Variants in SLC4A10 observed in about 807,000 individuals in gnomAD.
The protein encoded by SLC4A10 is solute carrier family 4 member 10, also known as sodium-driven chloride bicarbonate exchanger.
Under a neutral mutation model 137.7 loss-of-function variants are expected in SLC4A10, and 42 were observed. The observed-to-expected ratio is 0.30, with a 90% CI of 0.24 to 0.39. The LOEUF (loss-of-function observed/expected upper bound fraction) is 0.39. Ranked by LOEUF, SLC4A10 falls within the 10% of genes least tolerant of loss-of-function variation. The pLI is 1.00. For missense variants in SLC4A10, 925 were observed against 1,355.0 expected (o/e 0.68, Z 4.98); for synonymous variants, 474 against 464.1 (o/e 1.02, Z -0.27).
intron 1 of SLC4A10, among the ~76,000 whole-genome samples, chr2:161,721,441 T>C (rs1052891933): frequency 1.3e-5 from 2 of 152,222 alleles, no homozygotes; most frequent in Non-Finnish European, 1.5e-5. Context: ...CCTTCACTTA[T>C]GAAGCGTGGT....
intron 2 of SLC4A10, among the ~76,000 whole-genome samples, chr2:161,773,097 A>G (rs1559217208): frequency 6.6e-6 from 1 of 151,886 alleles, no homozygotes; most frequent in Non-Finnish European, 1.5e-5. Flanking sequence ...TTTATAAAGA[A>G]AAGAAATTGA....
At chr2:161,819,630 G>T (rs1411841958) in intron 3 of SLC4A10, among the ~76,000 whole-genome samples, 1 of 151,962 alleles carries the variant, frequency 6.6e-6, no homozygotes, top group Non-Finnish European at 1.5e-5. Context: ...GAGTAGCTGG[G>T]ATTACAGGCA....
intron 15 of SLC4A10, among the ~76,000 whole-genome samples, chr2:161,914,873 G>A (rs1451152542): frequency 6.6e-6 from 1 of 152,112 alleles, no homozygotes; most frequent in Non-Finnish European, 1.5e-5. Flanking sequence ...AGTAACAGGA[G>A]TCAGAGAAAT....
chr2:161,824,396 C>G (rs748180183), intron 3 of SLC4A10, among the ~76,000 whole-genome samples: 3 of 152,168 alleles, frequency 2.0e-5, no homozygotes, highest in Non-Finnish European at 4.4e-5. Flanking sequence ...CAAATTCCTG[C>G]TGGAGAAAAC....
chr2:161,928,573 A>T (rs189031074), intron 15 of SLC4A10, among the ~76,000 whole-genome samples: 2 of 142,596 alleles, frequency 1.4e-5, no homozygotes, highest in Admixed American at 6.9e-5. Flanking sequence ...CTTGAAAATT[A>T]AAAAAAAAAA....
rs1193635588 is a variant in SLC4A10 at position 161,627,050 on chromosome 2, AG to A, written c.48+2487del. Among the ~76,000 whole-genome samples the A allele has an allele frequency of 2.0e-5, 3 of 152,198 alleles. No individual in the cohort carries two copies. In the East Asian group the frequency reaches 5.8e-4, roughly 29 times the overall value. ...CAGTTTCTTCAACTGAAAAATGAAA[AG>A]GGAATGTTATTATATATCTCTTGAG... is the stretch of plus-strand genomic sequence containing the variant. On this transcript the variant is annotated intron_variant, in intron 1 of 26. Transcript: ENST00000446997.
At chr2:161,799,284 A>T (rs2055123500) in intron 2 of SLC4A10, among the ~76,000 whole-genome samples, 1 of 151,924 alleles carries the variant, frequency 6.6e-6, no homozygotes, top group Admixed American at 6.6e-5. Flanking sequence ...ATTAGGATTA[A>T]TAATTGTCAA....
intron 1 of SLC4A10, among the ~76,000 whole-genome samples, chr2:161,684,174 G>A (rs947577332): frequency 2.0e-5 from 3 of 152,042 alleles, no homozygotes; most frequent in South Asian, 4.1e-4. Context: ...TTGACTTAGC[G>A]TGATATTTTC....
chr2:161,716,748 C>T (rs1355624657), intron 1 of SLC4A10, among the ~76,000 whole-genome samples: 1 of 151,948 alleles, frequency 6.6e-6, no homozygotes, highest in Admixed American at 6.6e-5. Flanking sequence ...GTGATGTTGC[C>T]AGCTTTATTC....
intron 1 of SLC4A10, among the ~76,000 whole-genome samples, chr2:161,726,575 T>C (rs1334412246): frequency 1.3e-5 from 2 of 152,082 alleles, no homozygotes; most frequent in African/African-American, 2.4e-5. Context: ...TCCAATCCAA[T>C]TTACAGTGAC....
intron 15 of SLC4A10, among the ~76,000 whole-genome samples, chr2:161,915,802 G>T (rs1182592459): frequency 6.6e-6 from 1 of 152,200 alleles, no homozygotes; most frequent in Non-Finnish European, 1.5e-5. Flanking sequence ...CCTGTGAAGG[G>T]AGAAAGAAAA....
intron 23 of SLC4A10, among the ~76,000 whole-genome samples, chr2:161,967,834 A>G (rs1441657128): frequency 1.3e-5 from 2 of 152,094 alleles, no homozygotes; most frequent in Non-Finnish European, 2.9e-5. Flanking sequence ...TTTATTCTTA[A>G]TGTCACAGTC....
chr2:161,810,884 G>A (rs2056488622), intron 3 of SLC4A10, among the ~76,000 whole-genome samples: 3 of 151,952 alleles, frequency 2.0e-5, no homozygotes, highest in Admixed American at 2.0e-4. Flanking sequence ...TGTATAATAT[G>A]TTAGTGAGAA....
chr2:161,880,026 G>A (rs774395228), intron 9 of SLC4A10, among the ~76,000 whole-genome samples: 24 of 152,048 alleles, frequency 1.6e-4, no homozygotes, highest in Non-Finnish European at 3.2e-4. Context: ...AGGAAACACA[G>A]AATATTGACT....
At chr2:161,790,625 A>C (rs1458682715) in intron 2 of SLC4A10, among the ~76,000 whole-genome samples, 2 of 152,164 alleles carry the variant, frequency 1.3e-5, no homozygotes, top group African/African-American at 4.8e-5. Context: ...CTAATACTGA[A>C]CATTTTATTT....
intron 15 of SLC4A10, among the ~76,000 whole-genome samples, chr2:161,909,299 ATC>A (rs371118220): frequency 8.1e-4 from 124 of 152,226 alleles, no homozygotes; most frequent in Middle Eastern, 6.8e-3. Context: ...CCACATTTCC[ATC>A]TCTGTTTTTT....
At chr2:161,650,685 A>C (rs1351420220) in intron 1 of SLC4A10, among the ~76,000 whole-genome samples, 3 of 152,232 alleles carry the variant, frequency 2.0e-5, no homozygotes. Context: ...GGCTGAGCCC[A>C]GGTGCGGTTG....
chr2:161,945,017 A>G (rs1390496633), intron 16 of SLC4A10, among the ~76,000 whole-genome samples: 1 of 150,590 alleles, frequency 6.6e-6, no homozygotes, highest in Non-Finnish European at 1.5e-5. Flanking sequence ...TACCTTGCCA[A>G]CTCAGCAAGG....
chr2:161,705,505 C>A (rs186750227), intron 1 of SLC4A10, among the ~76,000 whole-genome samples: 29 of 151,672 alleles, frequency 1.9e-4, no homozygotes, highest in Middle Eastern at 6.8e-3. Flanking sequence ...AATAGAGTTA[C>A]CCTCAATGTA....
Sources: allele counts gnomAD v4.1 joint callset (sites outside exome capture counted in the v4.1 genomes callset), GRCh38; gene constraint gnomAD v4.1.1; transcripts MANE v1.5; gene names NCBI Gene and HGNC (gene_info 2026-07-23, HGNC 2026-07-21).